The following DSCAM variants were observed in gnomAD, a reference collection of about 807,000 sequenced individuals.
The protein encoded by DSCAM is cell adhesion molecule DSCAM.
DSCAM carries 47 observed loss-of-function variants against 217.7 expected under a neutral mutation model. The ratio of observed to expected loss-of-function variants is 0.22; its 90% CI spans 0.17 to 0.28. The LOEUF (loss-of-function observed/expected upper bound fraction) is 0.28. DSCAM is among the 10% of genes least tolerant of loss of function. The pLI is 1.00. For synonymous variants in DSCAM, 1,056 were observed against 1,015.3 expected, an observed-to-expected ratio of 1.04 and a Z score of -0.76; for missense variants, 2,080 against 2,618.3, an observed-to-expected ratio of 0.79 and a Z score of 4.49.
At chr21:40,667,049 G>C (rs1470588027) in intron 3 of DSCAM, among the ~76,000 whole-genome samples, 1 of 152,210 alleles carries the variant, frequency 6.6e-6, no homozygotes, top group Non-Finnish European at 1.5e-5. Context: ...AGGTTGGTGG[G>C]ATGCCCCACT....
intron 3 of DSCAM, among the ~76,000 whole-genome samples, chr21:40,544,756 A>G (rs554661545): frequency 2.0e-5 from 3 of 152,216 alleles, no homozygotes; most frequent in Admixed American, 6.5e-5. Context: ...TAGGAAATGT[A>G]CTTTAGCCAT....
chr21:40,096,586 G>A (rs1157818452), intron 20 of DSCAM, among the ~76,000 whole-genome samples: 7 of 152,070 alleles, frequency 4.6e-5, no homozygotes, highest in African/African-American at 7.2e-5. Context: ...CCTAAAGGAG[G>A]GGAGAGAGAC....
chr21:40,529,063 C>A (rs891628646), intron 3 of DSCAM, among the ~76,000 whole-genome samples: 9 of 151,940 alleles, frequency 5.9e-5, no homozygotes, highest in Non-Finnish European at 1.2e-4. Context: ...GCCACCACCC[C>A]CGGCTAATTT....
intron 3 of DSCAM, among the ~76,000 whole-genome samples, chr21:40,508,357 T>G (rs1338192797): frequency 6.6e-6 from 1 of 152,122 alleles, no homozygotes; most frequent in African/African-American, 2.4e-5. Context: ...AATATGCTAT[T>G]TATAAATCAA....
At chr21:40,216,736 C>G (rs938013064) in intron 11 of DSCAM, among the ~76,000 whole-genome samples, 1 of 152,190 alleles carries the variant, frequency 6.6e-6, no homozygotes, top group African/African-American at 2.4e-5. Flanking sequence ...TAACACCCAG[C>G]AGTAAGGCCA....
Position 40,720,674 on chromosome 21 carries a change from GA to G in DSCAM, c.44-11904del, listed in dbSNP as rs66520372. Among the ~76,000 whole-genome samples, 97 of 139,524 alleles carry G rather than the reference GA, an allele frequency of 7.0e-4. 1 individual carries two copies. The highest frequency in any genetic ancestry group is 7.4e-3 in the Middle Eastern group (2 of 272). 91.5% of individuals were successfully genotyped at this position (139,524 alleles called of 152,430 possible). On this transcript the variant is annotated intron_variant, in intron 1 of 32. Transcript: ENST00000400454. ...CTTCACTAAAGTTTCAGACAGTACAGAAAAAAAAAAAATGAAAGAAGGAAAC... is the reference window on the plus strand; with the variant it reads ...CTTCACTAAAGTTTCAGACAGTACAGAAAAAAAAAAATGAAAGAAGGAAAC...
intron 3 of DSCAM, among the ~76,000 whole-genome samples, chr21:40,612,923 C>T (rs1174267822): frequency 1.3e-5 from 2 of 152,106 alleles, no homozygotes; most frequent in African/African-American, 4.8e-5. Context: ...TTTTTTCTTT[C>T]CAGGTTCAAG....
intron 18 of DSCAM, 70 bp downstream of exon 18, chr21:40,142,487 TA>T: frequency 6.4e-7 from 1 of 1,568,320 alleles, no homozygotes; most frequent in Non-Finnish European, 8.7e-7. Context: ...TGTTAGGAAC[TA>T]GGAGGGGTCT....
intron 1 of DSCAM, among the ~76,000 whole-genome samples, chr21:40,798,867 G>T (rs62225165): frequency 0.041 from 6,239 of 151,786 alleles, 211 homozygotes; most frequent in South Asian, 0.055. Flanking sequence ...TAAAATAAAG[G>T]TCATACAAAA....
At chr21:40,189,305 C>T in intron 11 of DSCAM, 67 bp from the exon 12 acceptor site, 1 of 1,262,268 alleles carries the variant, frequency 7.9e-7, no homozygotes, top group Non-Finnish European at 1.1e-6. Flanking sequence ...TGGCAAAACA[C>T]TCAGGTAAAC....
chr21:40,105,653 A>G (rs1426686299), intron 20 of DSCAM, among the ~76,000 whole-genome samples: 1 of 152,182 alleles, frequency 6.6e-6, no homozygotes, highest in Non-Finnish European at 1.5e-5. Context: ...AAGTCACTCA[A>G]TCTTGAGTAT....
intron 3 of DSCAM, among the ~76,000 whole-genome samples, chr21:40,374,584 G>T (rs146517601): frequency 1.6e-4 from 25 of 152,332 alleles, no homozygotes; most frequent in African/African-American, 6.0e-4. Flanking sequence ...GTATACCCCA[G>T]TGAAAGGCTT....
At chr21:40,361,112 T>C (rs967248783) in intron 4 of DSCAM, among the ~76,000 whole-genome samples, 2 of 150,898 alleles carry the variant, frequency 1.3e-5, no homozygotes, top group African/African-American at 4.9e-5. Context: ...TTTTTTTGTC[T>C]CAAAGTCTTC....
intron 3 of DSCAM, among the ~76,000 whole-genome samples, chr21:40,578,247 G>A (rs932911341): frequency 3.9e-5 from 6 of 152,140 alleles, no homozygotes; most frequent in Non-Finnish European, 7.3e-5. Context: ...CCTTCAGAAA[G>A]GGACAAGTTC....
intron 3 of DSCAM, among the ~76,000 whole-genome samples, chr21:40,412,179 A>G (rs1400400689): frequency 6.6e-6 from 1 of 152,124 alleles, no homozygotes; most frequent in Admixed American, 6.5e-5. Context: ...TGCTTTTGTA[A>G]ATTGCCCAGT....
chr21:40,049,021 G>A (rs977932616), intron 30 of DSCAM, among the ~76,000 whole-genome samples: 1 of 152,200 alleles, frequency 6.6e-6, no homozygotes, highest in Non-Finnish European at 1.5e-5. Context: ...TTCTGCAAAT[G>A]CTAAATTAAT....
intron 1 of DSCAM, among the ~76,000 whole-genome samples, chr21:40,716,735 T>C (rs533394528): frequency 6.6e-5 from 10 of 152,184 alleles, no homozygotes; most frequent in Non-Finnish European, 7.4e-5. Context: ...GACACAAGCA[T>C]TCACTGATGC....
intron 3 of DSCAM, among the ~76,000 whole-genome samples, chr21:40,377,725 G>A (rs888622622): frequency 1.3e-5 from 2 of 152,012 alleles, no homozygotes; most frequent in Non-Finnish European, 2.9e-5. Context: ...GCGAGTGAAG[G>A]AAGAAGGCCA....
chr21:40,323,250 C>G (rs1199195574), intron 8 of DSCAM, among the ~76,000 whole-genome samples: 2 of 152,164 alleles, frequency 1.3e-5, no homozygotes, highest in South Asian at 2.1e-4. Context: ...ACTCTTCACA[C>G]TAGCATCCAT....
Sources: gnomAD v4.1 joint callset for allele counts (sites outside exome capture counted in the v4.1 genomes callset) on GRCh38, gnomAD v4.1.1 for gene constraint, MANE v1.5 for transcripts, NCBI Gene and HGNC (gene_info 2026-07-23, HGNC 2026-07-21) for gene names.